The following SLC4A10 variants were observed in gnomAD, a reference collection of about 807,000 sequenced individuals.
The protein encoded by SLC4A10 is solute carrier family 4 member 10.
In SLC4A10, 42 loss-of-function variants were observed where a neutral mutation model predicts 137.7. That is an observed-to-expected ratio of 0.30 (90% CI 0.24 to 0.39). The LOEUF (loss-of-function observed/expected upper bound fraction) is 0.39, where lower values mean the gene tolerates loss of function less well. SLC4A10 is among the 10% of genes least tolerant of loss of function. The pLI, the probability that SLC4A10 is intolerant of heterozygous loss-of-function variation, is 1.00. For missense variants in SLC4A10, 925 were observed against 1,355.0 expected (o/e 0.68, Z 4.98); for synonymous variants, 474 against 464.1 (o/e 1.02, Z -0.27).
chr2:161,723,666 C>G (rs1300124122), intron 1 of SLC4A10, among the ~76,000 whole-genome samples: 4 of 152,144 alleles, frequency 2.6e-5, no homozygotes, highest in African/African-American at 9.7e-5. Flanking sequence ...GTTGGTGGCT[C>G]TTAATAGTGA....
intron 11 of SLC4A10, among the ~76,000 whole-genome samples, chr2:161,899,536 T>C (rs565731571): frequency 1.3e-5 from 2 of 152,258 alleles, no homozygotes; most frequent in Admixed American, 1.3e-4. Context: ...GAACAGCATT[T>C]AAGAGTTGAT....
chr2:161,896,069 C>G (rs938959487), intron 11 of SLC4A10, among the ~76,000 whole-genome samples: 1 of 152,048 alleles, frequency 6.6e-6, no homozygotes, highest in African/African-American at 2.4e-5. Context: ...AGTCTTTAAT[C>G]CATCTTGAAT....
At chr2:161,882,128 T>TA (rs34384577) in intron 9 of SLC4A10, among the ~76,000 whole-genome samples, 1,373 of 136,694 alleles carry the variant, frequency 0.01, 18 homozygotes, top group East Asian at 0.029. Context: ...AACACTGTGA[T>TA]AAAAAAAAAA....
At chr2:161,776,606 T>C (rs994731481) in intron 2 of SLC4A10, among the ~76,000 whole-genome samples, 5 of 151,948 alleles carry the variant, frequency 3.3e-5, no homozygotes, top group Non-Finnish European at 2.9e-5. Flanking sequence ...CTTTCAACTG[T>C]AGAACTTTTG....
chr2:161,683,628 C>T (rs2041096514), intron 1 of SLC4A10, among the ~76,000 whole-genome samples: 1 of 152,078 alleles, frequency 6.6e-6, no homozygotes, highest in Non-Finnish European at 1.5e-5. Context: ...AATCTCTAGC[C>T]AAATTTTATG....
At chr2:161,817,979 A>G (rs376426291) in intron 3 of SLC4A10, among the ~76,000 whole-genome samples, 7,010 of 146,804 alleles carry the variant, frequency 0.048, 221 homozygotes, top group East Asian at 0.11. Context: ...TTTTGGTTCC[A>G]TATGAACTTT....
intron 1 of SLC4A10, among the ~76,000 whole-genome samples, chr2:161,670,073 G>T (rs1425206911): frequency 6.6e-6 from 1 of 152,048 alleles, no homozygotes; most frequent in Non-Finnish European, 1.5e-5. Context: ...CCACTTCGTG[G>T]GTTGTAGTGA....
At chr2:161,798,524 C>T (rs1205850600) in intron 2 of SLC4A10, among the ~76,000 whole-genome samples, 2 of 151,664 alleles carry the variant, frequency 1.3e-5, no homozygotes, top group Non-Finnish European at 3.0e-5. Flanking sequence ...CAATACTGAT[C>T]CTTATTATAT....
chr2:161,808,694 T>C (rs1487372011), intron 3 of SLC4A10, among the ~76,000 whole-genome samples: 1 of 152,172 alleles, frequency 6.6e-6, no homozygotes, highest in Non-Finnish European at 1.5e-5. Context: ...TGAGTTAATT[T>C]TTTTAGGATA....
rs147681312 is a variant in SLC4A10 at position 161,712,906 on chromosome 2, A to G, written c.49-58067A>G. Among the ~76,000 whole-genome samples, 642 of 152,000 alleles carry G rather than the reference A, an allele frequency of 4.2e-3. 5 individuals carry two copies. Among genetic ancestry groups the G allele is most frequent in the Non-Finnish European group, 4.5e-3 (307 of 67,862 alleles). ...AATATACAAAATCCTACAATGTTCT[A>G]GAAAGAATTGTACTGGGCAAGGATA... On this transcript the variant is annotated intron_variant, in intron 1 of 26. Transcript: ENST00000446997.
intron 23 of SLC4A10, 145 bp downstream of exon 23, chr2:161,965,318 G>A (rs1270472577): frequency 1.7e-5 from 13 of 752,866 alleles, no homozygotes. Context: ...TAGTTTGGAA[G>A]TTTAATGTTT....
At chr2:161,876,953 A>G (rs2061484033) in intron 8 of SLC4A10, among the ~76,000 whole-genome samples, 1 of 152,066 alleles carries the variant, frequency 6.6e-6, no homozygotes, top group Non-Finnish European at 1.5e-5. Context: ...TTTGAAGTCA[A>G]AAGATGAATT....
At chr2:161,931,636 A>T (rs540164353) in intron 15 of SLC4A10, among the ~76,000 whole-genome samples, 2 of 152,364 alleles carry the variant, frequency 1.3e-5, no homozygotes, top group Admixed American at 1.3e-4. Flanking sequence ...CTTTAAAAAA[A>T]TTAATTTAGA....
intron 2 of SLC4A10, among the ~76,000 whole-genome samples, chr2:161,796,319 G>A (rs984548799): frequency 6.6e-6 from 1 of 152,164 alleles, no homozygotes; most frequent in Non-Finnish European, 1.5e-5. Context: ...TTCTTCTAAT[G>A]TGAATCAGCT....
intron 2 of SLC4A10, among the ~76,000 whole-genome samples, chr2:161,789,477 C>T (rs1003322918): frequency 2.6e-5 from 4 of 151,788 alleles, no homozygotes; most frequent in African/African-American, 9.7e-5. Context: ...TAACTTTGAT[C>T]TTTCTACAAA....
At position 161,624,561 on chromosome 2, in the gene SLC4A10, C is replaced by T; in HGVS notation, c.43C>T (p.Pro15Ser). ...GGGAGCCCAAATGGAGCCGCTGCTG[C>T]CTACGGTAAGAGACAACCTGCTATC... The part of the protein sequence containing the change: ...DQGAQMEPLL[P>S]TRNDEEAVVD... Residue 15 changes from proline to serine, a missense_variant, in exon 1 of 27, where the codon CCT becomes TCT. This residue lies in a region of SLC4A10 where 138 missense variants were observed against 171.3 expected (regional missense o/e 0.81). Coordinates refer to ENST00000446997, the MANE Select transcript of SLC4A10 (RefSeq NM_001178015.2). 1 of 1,553,130 alleles carries T rather than the reference C, an allele frequency of 6.4e-7. No individual in the cohort carries two copies. The highest frequency in any genetic ancestry group is 8.7e-7 in the Non-Finnish European group (1 of 1,147,898).
At position 161,704,082 on chromosome 2, in the gene SLC4A10, CAGT is replaced by C. The variant is rs566693741; in HGVS notation, c.49-66889_49-66887del. Among the ~76,000 whole-genome samples, 185 of 151,794 alleles carry C rather than the reference CAGT, an allele frequency of 1.2e-3. 1 individual carries two copies. Among genetic ancestry groups the C allele is most frequent in the African/African-American group, 4.3e-3 (177 of 41,528 alleles). ...CAAAAAAAGAGAAGTAGGTATTCTG[CAGT>C]ACTCTCAGTGCTTTCTATTGTCCTG... On this transcript the variant is annotated intron_variant, in intron 1 of 26. Coordinates refer to ENST00000446997, the MANE Select transcript of SLC4A10 (RefSeq NM_001178015.2).
chr2:161,769,654 A>G (rs181407707), intron 1 of SLC4A10, among the ~76,000 whole-genome samples: 1 of 152,036 alleles, frequency 6.6e-6, no homozygotes, highest in Non-Finnish European at 1.5e-5. Context: ...CATCATTTTT[A>G]AAAATGTCTA....
chr2:161,778,392 G>T (rs1463485366), intron 2 of SLC4A10, among the ~76,000 whole-genome samples: 1 of 151,644 alleles, frequency 6.6e-6, no homozygotes, highest in Non-Finnish European at 1.5e-5. Flanking sequence ...ATATGTCTTT[G>T]TTATTGATTA....
Sources: allele counts gnomAD v4.1 joint callset (sites outside exome capture counted in the v4.1 genomes callset), GRCh38; gene constraint gnomAD v4.1.1; regional missense constraint gnomAD v4.1.1; transcripts MANE v1.5; gene names NCBI Gene and HGNC (gene_info 2026-07-23, HGNC 2026-07-21).